Variants in COP1 observed in about 807,000 individuals in gnomAD.
The protein encoded by COP1 is COP1 E3 ubiquitin ligase.
Under a neutral mutation model 101.3 loss-of-function variants are expected in COP1, and 24 were observed. That is an observed-to-expected ratio of 0.24 (90% confidence interval 0.17 to 0.33). The LOEUF is 0.33. Among genes scored for constraint, COP1 ranks in the 10% least tolerant of loss-of-function variants. The pLI, the probability that COP1 is intolerant of heterozygous loss-of-function variation, is 1.00. For missense variants in COP1, 663 were observed against 906.2 expected (o/e 0.73, Z 3.45); for synonymous variants, 347 against 341.9 (o/e 1.01, Z -0.17).
In COP1 at chr1:176,134,937, GCTCCT is replaced by G. The variant is rs1572447192; in HGVS notation, c.968+68_968+72del. ...GGGTTTCATACACTGCATGGAAAAGGCTCCTAAAGGACTAGACCATATGCATACTT... is the reference window on the plus strand; with the variant it reads ...GGGTTTCATACACTGCATGGAAAAGGAAAGGACTAGACCATATGCATACTT... On this transcript the variant is annotated intron_variant, in intron 8 of 19. Transcript: ENST00000367669. The G allele has an allele frequency of 1.2e-5, 13 of 1,079,754 alleles. No homozygotes were observed. The East Asian group carries it at 3.1e-4, about 26-fold the overall frequency. 66.9% of individuals were successfully genotyped at this position (1,079,754 alleles called of 1,614,324 possible).
rs1189905219 is a variant in COP1, at chr1:176,065,225, G to T, written c.1277+15927C>A. 2.0e-5 allele frequency among the ~76,000 whole-genome samples: 3 copies of T among 152,168 alleles called. No individual in the cohort carries two copies. In the East Asian group the frequency reaches 5.8e-4, roughly 29 times the overall value. On this transcript the variant is annotated intron_variant, in intron 11 of 19. Coordinates refer to ENST00000367669, the MANE Select transcript of COP1 (RefSeq NM_022457.7). ...ATCTGTTTAGGTCAAGTGTTAGTAT[G>T]TTATGGAACTCTTTACTGTGAACAG...
chr1:175,964,761 A>G (rs1440095632), intron 18 of COP1, among the ~76,000 whole-genome samples: 31 of 152,250 alleles, frequency 2.0e-4, no homozygotes, highest in Admixed American at 2.0e-3. Context: ...GGCACAGAAC[A>G]GTGAGAAACA....
chr1:176,166,498 A>T (rs1695176101), intron 3 of COP1, among the ~76,000 whole-genome samples: 1 of 152,270 alleles, frequency 6.6e-6, no homozygotes, highest in Non-Finnish European at 1.5e-5. Flanking sequence ...GGCAAAAATA[A>T]AGTGTAAACA....
rs138540197 is a variant in COP1 at position 176,009,742 on chromosome 1, C to T, written c.1729+17830G>A. Among the ~76,000 whole-genome samples, 948 of 152,000 alleles carry T rather than the reference C, an allele frequency of 6.2e-3. 14 individuals carry two copies. The highest frequency in any genetic ancestry group is 0.022 in the African/African-American group (895 of 41,424). On this transcript the variant is annotated intron_variant, in intron 15 of 19. Coordinates refer to ENST00000367669, the MANE Select transcript of COP1 (RefSeq NM_022457.7). ...TTTTGAATTTTGATTTTATATATTG[C>T]ATTTATTAATAATTAGAATTTGTTC...
intron 1 of COP1, among the ~76,000 whole-genome samples, chr1:176,202,931 C>CATAA (rs1700417498): frequency 1.1e-4 from 16 of 152,172 alleles, no homozygotes; most frequent in Admixed American, 8.5e-4. Context: ...ATCATGAGCT[C>CATAA]CTTAAGAAGA....
Position 175,954,587 on chromosome 1 carries a change from GA to G in COP1, c.2134-7349del, listed in dbSNP as rs888932001. The stretch of plus-strand genomic sequence containing the variant: ...ACTAGATATTCTATAGATATTAAAA[GA>G]ATAATTAGAAAATAAACATGAACAA... On this transcript the variant is annotated intron_variant, in intron 18 of 19. Transcript: ENST00000367669. 9.0e-4 allele frequency among the ~76,000 whole-genome samples: 136 copies of G among 151,898 alleles called. 3 individuals are homozygous for G. Among genetic ancestry groups the G allele is most frequent in the African/African-American group, 3.1e-3 (128 of 41,464 alleles).
intron 18 of COP1, among the ~76,000 whole-genome samples, chr1:175,958,082 T>C (rs1486057534): frequency 6.6e-6 from 1 of 152,122 alleles, no homozygotes; most frequent in Non-Finnish European, 1.5e-5. Context: ...AATGTTGTTA[T>C]AACTGAATTA....
chr1:176,148,340 C>G (rs972277962), intron 6 of COP1, among the ~76,000 whole-genome samples: 7 of 151,338 alleles, frequency 4.6e-5, no homozygotes, highest in African/African-American at 1.7e-4. Context: ...AAAAAGTATC[C>G]TAATTAGACA....
At chr1:176,150,407 T>G (rs1173961895) in intron 5 of COP1, among the ~76,000 whole-genome samples, 1 of 152,242 alleles carries the variant, frequency 6.6e-6, no homozygotes, top group East Asian at 1.9e-4. Flanking sequence ...AATTTTTTCT[T>G]GCATGACAAA....
intron 14 of COP1, among the ~76,000 whole-genome samples, chr1:176,036,878 A>G (rs1320079476): frequency 6.6e-6 from 1 of 152,190 alleles, no homozygotes; most frequent in African/African-American, 2.4e-5. Flanking sequence ...CTGTAATCCC[A>G]TTGTAAGTGG....
chr1:176,206,964 G>A lies in COP1; in HGVS notation c.15C>T (p.Arg5=). The change falls in exon 1 of 20, where the codon CGC becomes CGT. Residue 5 remains arginine, a synonymous_variant. Transcript: ENST00000367669. The stretch of plus-strand genomic sequence containing the variant: ...TCCCAGCGGAGCCCGACCCGGCCTG[G>A]CGGCTACCAGACATCGTGACTCCCT... MSGS[R]QAGSGSAGTS... The A allele has an allele frequency of 7.0e-7, 1 of 1,421,002 alleles. No individual in the cohort carries two copies. The highest frequency in any genetic ancestry group is 9.2e-7 in the Non-Finnish European group (1 of 1,092,348). 88.0% of individuals were successfully genotyped at this position (1,421,002 alleles called of 1,614,324 possible).
intron 5 of COP1, among the ~76,000 whole-genome samples, chr1:176,152,359 T>A (rs1692748401): frequency 6.6e-6 from 1 of 152,098 alleles, no homozygotes; most frequent in South Asian, 2.1e-4. Flanking sequence ...TATCAGGGAC[T>A]GGGAGTAATG....
At chr1:176,168,752 G>C in intron 3 of COP1, 1 of 291,820 alleles carries the variant, frequency 3.4e-6, no homozygotes, top group Non-Finnish European at 7.1e-6. Context: ...ATGCACACTG[G>C]AGGGAAGTAA....
At chr1:176,086,612 A>T (rs1054900124) in intron 9 of COP1, among the ~76,000 whole-genome samples, 3 of 152,170 alleles carry the variant, frequency 2.0e-5, no homozygotes, top group Non-Finnish European at 4.4e-5. Flanking sequence ...AAATAAGAGG[A>T]CACAAACAAA....
intron 14 of COP1, among the ~76,000 whole-genome samples, chr1:176,042,982 T>C (rs551309548): frequency 1.1e-4 from 16 of 151,668 alleles, no homozygotes; most frequent in African/African-American, 3.6e-4. Context: ...TGAGCCACAA[T>C]TGTGCCACTG....
chr1:176,062,154 G>A (rs147360851), intron 11 of COP1, among the ~76,000 whole-genome samples: 20 of 152,028 alleles, frequency 1.3e-4, no homozygotes, highest in African/African-American at 4.6e-4. Flanking sequence ...GCGCCCGCCA[G>A]CACGCCTGGA....
intron 15 of COP1, among the ~76,000 whole-genome samples, chr1:176,022,556 A>G (rs2149033887): frequency 6.6e-6 from 1 of 152,352 alleles, no homozygotes; most frequent in East Asian, 1.9e-4. Context: ...TTTAGATGAC[A>G]GGCTACATTT....
At chr1:176,155,167 C>T (rs1359132234) in intron 5 of COP1, among the ~76,000 whole-genome samples, 1 of 151,908 alleles carries the variant, frequency 6.6e-6, no homozygotes, top group Non-Finnish European at 1.5e-5. Flanking sequence ...AAGGTTACTT[C>T]CACAGTAACA....
At chr1:176,131,206 C>T (rs1164018452) in intron 8 of COP1, among the ~76,000 whole-genome samples, 2 of 151,646 alleles carry the variant, frequency 1.3e-5, no homozygotes, top group Non-Finnish European at 3.0e-5. Context: ...TAGGCAGCTA[C>T]TGAAAAATTT....
Sources: gnomAD v4.1 joint callset for allele counts (sites outside exome capture counted in the v4.1 genomes callset) on GRCh38, gnomAD v4.1.1 for gene constraint, MANE v1.5 for transcripts, NCBI Gene and HGNC (gene_info 2026-07-23, HGNC 2026-07-21) for gene names.